DAP3: variants seen among roughly 807,000 people sequenced by gnomAD.
DAP3 encodes the protein small ribosomal subunit protein mS29.
In DAP3, 28 loss-of-function variants were observed where a neutral mutation model predicts 51.9. The observed-to-expected ratio is 0.54, with a 90% CI of 0.40 to 0.74. The LOEUF (loss-of-function observed/expected upper bound fraction) is 0.74, where lower values mean the gene tolerates loss of function less well. Among genes scored for constraint, DAP3 ranks in the 30% least tolerant of loss-of-function variants. The probability of loss-of-function intolerance (pLI) is 0.00; values close to 1 mark genes in which losing one functional copy is unlikely to be tolerated. For synonymous variants in DAP3, 170 were observed against 170.3 expected, an observed-to-expected ratio of 1.00 and a Z score of 0.01; for missense variants, 458 against 483.5, an observed-to-expected ratio of 0.95 and a Z score of 0.49.
intron 6 of DAP3, 61 bp from the exon 7 acceptor site, chr1:155,727,547 A>G (rs1393172970): frequency 6.4e-7 from 1 of 1,572,154 alleles, no homozygotes; most frequent in Non-Finnish European, 8.6e-7. Flanking sequence ...GAGGCATAGA[A>G]TATTTCGAGT....
chr1:155,689,992 G>A (rs1442806437), intron 1 of DAP3, among the ~76,000 whole-genome samples: 2 of 122,194 alleles, frequency 1.6e-5, no homozygotes, highest in African/African-American at 1.5e-4. Context: ...GAGTATTGCC[G>A]TGTTGTCATT....
chr1:155,734,994 G>A (rs1659607098), intron 11 of DAP3, among the ~76,000 whole-genome samples: 1 of 152,036 alleles, frequency 6.6e-6, no homozygotes, highest in Non-Finnish European at 1.5e-5. Flanking sequence ...GCTGGGCGTG[G>A]TGGCTCATGC....
At chr1:155,704,484 G>C (rs1270389507) in intron 1 of DAP3, among the ~76,000 whole-genome samples, 3 of 152,174 alleles carry the variant, frequency 2.0e-5, no homozygotes, top group African/African-American at 7.2e-5. Context: ...GATCTGGGGA[G>C]CACAGTGGGG....
chr1:155,700,496 T>C (rs888407187), intron 1 of DAP3, among the ~76,000 whole-genome samples: 4 of 144,670 alleles, frequency 2.8e-5, no homozygotes, highest in Non-Finnish European at 5.9e-5. Context: ...TGTAGAAAAT[T>C]AGAAAACTTG....
Position 155,710,002 on chromosome 1 carries a change from T to C in DAP3, c.45+178T>C, listed in dbSNP as rs527803451. 22 of 507,368 alleles carry C rather than the reference T, an allele frequency of 4.3e-5. No individual in the cohort carries two copies. In the Admixed American group the frequency reaches 6.5e-4, roughly 15 times the overall value. The allele number at this position is 507,368 out of a possible 1,614,324, so 31.4% of individuals were successfully genotyped here. ...CATGGAATAGGAGAATTAATATTTTTCCAGAAAACATAAGTAAGTTTGACT... is the reference window on the plus strand; with the variant it reads ...CATGGAATAGGAGAATTAATATTTTCCCAGAAAACATAAGTAAGTTTGACT... On this transcript the variant is annotated intron_variant, in intron 2 of 12. Transcript: ENST00000368336.
chr1:155,727,586 C>T (rs749888305), intron 6 of DAP3, 22 bp from the exon 7 acceptor site: 2 of 1,603,850 alleles, frequency 1.2e-6, no homozygotes, highest in African/African-American at 2.7e-5. Flanking sequence ...GGCTTGTTTT[C>T]TTCTGCCTCT....
intron 9 of DAP3, among the ~76,000 whole-genome samples, chr1:155,729,841 G>A (rs1305848906): frequency 2.0e-5 from 3 of 151,972 alleles, no homozygotes; most frequent in Non-Finnish European, 4.4e-5. Flanking sequence ...CCAGCACTTG[G>A]GGAGGCTGAG....
chr1:155,704,719 C>T (rs962111726), intron 1 of DAP3, among the ~76,000 whole-genome samples: 4 of 152,148 alleles, frequency 2.6e-5, no homozygotes, highest in Non-Finnish European at 5.9e-5. Flanking sequence ...GTGGCTTATG[C>T]TTGTAATCCC....
rs140836610 is a variant in DAP3 at position 155,704,260 on chromosome 1, G to T, written c.-7-5513G>T. Among the ~76,000 whole-genome samples the T allele has an allele frequency of 6.0e-4, 91 of 152,322 alleles. 1 individual carries two copies. The East Asian group carries it at 0.016, about 27-fold the overall frequency. ...ATTTATTTTAATTTGGGTTCAAGAT[G>T]ATAGTGTCCTAGAACGGAAGCTGAT... On this transcript the variant is annotated intron_variant, in intron 1 of 12. Coordinates refer to ENST00000368336, the MANE Select transcript of DAP3 (RefSeq NM_004632.4).
chr1:155,692,059 C>T (rs1653893163), intron 1 of DAP3, among the ~76,000 whole-genome samples: 2 of 141,812 alleles, frequency 1.4e-5, no homozygotes, highest in South Asian at 4.1e-4. Context: ...AGCAGTACGT[C>T]ATACACATAA....
intron 2 of DAP3, among the ~76,000 whole-genome samples, chr1:155,712,981 C>T (rs1210321159): frequency 6.6e-6 from 1 of 152,134 alleles, no homozygotes; most frequent in Non-Finnish European, 1.5e-5. Context: ...GCCTTGTATT[C>T]TCAGTGGCCT....
rs796417876 is a variant in DAP3, at chr1:155,732,100, A to C, written c.993+67A>C. On this transcript the variant is annotated intron_variant, in intron 11 of 12. Coordinates refer to ENST00000368336, the MANE Select transcript of DAP3 (RefSeq NM_004632.4). ...CTGTTTAAAGAAAAATATTTTTATTAATCTATGTATTTTGACATAATTTCA... is the reference window on the plus strand; with the variant it reads ...CTGTTTAAAGAAAAATATTTTTATTCATCTATGTATTTTGACATAATTTCA... The C allele has an allele frequency of 1.6e-5, 22 of 1,360,964 alleles. No individual in the cohort carries two copies. In the African/African-American group the frequency reaches 3.0e-4, roughly 18 times the overall value. The allele number at this position is 1,360,964 out of a possible 1,614,324, so 84.3% of individuals were successfully genotyped here. A position where few individuals can be genotyped will look rare whatever the true frequency, so the allele number is the denominator to read the frequency against.
chr1:155,738,623 A>G lies in DAP3; in HGVS notation c.*381A>G, dbSNP rs1660031469. 2 of 162,586 alleles carry G rather than the reference A, an allele frequency of 1.2e-5. No individual in the cohort carries two copies. The highest frequency in any genetic ancestry group is 2.4e-5 in the African/African-American group (1 of 41,770). 10.1% of individuals were successfully genotyped at this position (162,586 alleles called of 1,614,324 possible). ...TCTTGTTGCAGGTCAGAAGAGATCA[A>G]TTCTACAGAAATTTCCAGTGGTTCT... On this transcript the variant is annotated 3_prime_UTR_variant, in exon 13 of 13. Coordinates refer to ENST00000368336, the MANE Select transcript of DAP3 (RefSeq NM_004632.4).
chr1:155,736,765 C>T, intron 11 of DAP3, 181 bp from the exon 12 acceptor site: 1 of 615,896 alleles, frequency 1.6e-6, no homozygotes, highest in Non-Finnish European at 2.9e-6. Context: ...CACGAGTAGC[C>T]AGCCACCATA....
At position 155,693,442 on chromosome 1, in the gene DAP3, A is replaced by G. The variant is rs1310947278; in HGVS notation, c.-8+4268A>G. 4.9e-5 allele frequency among the ~76,000 whole-genome samples: 7 copies of G among 141,874 alleles called. 2 individuals are homozygous for G. Among genetic ancestry groups the G allele is most frequent in the African/African-American group, 2.2e-4 (7 of 31,378 alleles). 93.1% of individuals were successfully genotyped at this position (141,874 alleles called of 152,430 possible). A position where few individuals can be genotyped will look rare whatever the true frequency, so the allele number is the denominator to read the frequency against. ...ATGTTCAGGGCCTATTATTGGATTA[A>G]TCATTTTTGGATGTGGGCCGGCTAT... On this transcript the variant is annotated intron_variant, in intron 1 of 12. Transcript: ENST00000368336.
intron 3 of DAP3, among the ~76,000 whole-genome samples, chr1:155,721,188 T>G (rs1657957134): frequency 6.6e-6 from 1 of 151,486 alleles, no homozygotes; most frequent in South Asian, 2.1e-4. Context: ...ATACAAAAAT[T>G]AGCCGGGTGC....
upstream of DAP3, chr1:155,688,890 G>A (rs751838515): frequency 3.7e-6 from 6 of 1,612,144 alleles, no homozygotes; most frequent in Non-Finnish European, 5.1e-6. Flanking sequence ...CGTTTGACTG[G>A]AATTGCCAGG....
At chr1:155,731,705 T>C (rs1659256879) in intron 10 of DAP3, among the ~76,000 whole-genome samples, 1 of 152,232 alleles carries the variant, frequency 6.6e-6, no homozygotes, top group South Asian at 2.1e-4. Flanking sequence ...TGTATCTCCT[T>C]ACCGTCTTTG....
chr1:155,715,571 A>C (rs562848993), intron 2 of DAP3, among the ~76,000 whole-genome samples: 7 of 152,160 alleles, frequency 4.6e-5, no homozygotes, highest in Admixed American at 4.6e-4. Flanking sequence ...GAGACTATAA[A>C]ATACTGGTAG....
Sources: gnomAD v4.1 joint callset for allele counts (sites outside exome capture counted in the v4.1 genomes callset) on GRCh38, gnomAD v4.1.1 for gene constraint, MANE v1.5 for transcripts, NCBI Gene and HGNC (gene_info 2026-07-23, HGNC 2026-07-21) for gene names.